Variants in CDCP1 observed in about 807,000 individuals in gnomAD.
The protein encoded by CDCP1 is CUB domain-containing protein 1.
In CDCP1, 29 loss-of-function variants were observed where a neutral mutation model predicts 60.2. The ratio of observed to expected loss-of-function variants is 0.48; its 90% CI spans 0.36 to 0.66. The LOEUF (loss-of-function observed/expected upper bound fraction) is 0.66. Among genes scored for constraint, CDCP1 ranks in the 30% least tolerant of loss-of-function variants. The pLI, the probability that CDCP1 is intolerant of heterozygous loss-of-function variation, is 0.00. For synonymous variants in CDCP1, 387 were observed against 431.1 expected, an observed-to-expected ratio of 0.90 and a Z score of 1.27; for missense variants, 876 against 1,074.3, an observed-to-expected ratio of 0.82 and a Z score of 2.58.
chr3:45,102,058 T>A (rs1415380862), intron 4 of CDCP1, among the ~76,000 whole-genome samples: 1 of 152,164 alleles, frequency 6.6e-6, no homozygotes, highest in African/African-American at 2.4e-5. Context: ...TTGCATTAGG[T>A]AATACTGTTT....
intron 2 of CDCP1, among the ~76,000 whole-genome samples, chr3:45,114,215 A>T (rs769729987): frequency 6.6e-6 from 1 of 152,142 alleles, no homozygotes; most frequent in Non-Finnish European, 1.5e-5. Context: ...TGATGCTAAG[A>T]GCTTTGTTTT....
intron 1 of CDCP1, among the ~76,000 whole-genome samples, chr3:45,120,160 C>G (rs957844947): frequency 6.6e-6 from 1 of 152,188 alleles, no homozygotes; most frequent in Admixed American, 6.5e-5. Flanking sequence ...CTAGCCTGCA[C>G]AAGACTGGAT....
rs1038612101 is a variant in CDCP1, at chr3:45,085,602, T to C, written c.*36A>G. 9.5e-6 allele frequency: 15 copies of C among 1,574,262 alleles called. No homozygotes were observed. The highest frequency in any genetic ancestry group is 1.2e-5 in the Non-Finnish European group (14 of 1,156,226). ...CGGACGGGTGTCTCAGTGCCCTGCT[T>C]TATGAAACTCAGCAAAGCGTCTGGA... On this transcript the variant is annotated 3_prime_UTR_variant, in exon 9 of 9. Transcript: ENST00000296129. This position sits in a 1 kb window ranked among gnomAD's most constrained non-coding sequence, Gnocchi z 4.2.
At position 45,084,309 on chromosome 3, in the gene CDCP1, T is replaced by G. The variant is rs1698150498; in HGVS notation, c.*1329A>C. Reference sequence around the variant, plus strand: ...CATTTTGTAGCCTCTCCTGTGGGAGTCAGTGGCAGGAAGGTGTGGTAGGCA... The same window carrying G: ...CATTTTGTAGCCTCTCCTGTGGGAGGCAGTGGCAGGAAGGTGTGGTAGGCA... On this transcript the variant is annotated 3_prime_UTR_variant, in exon 9 of 9. Coordinates refer to ENST00000296129, the MANE Select transcript of CDCP1 (RefSeq NM_022842.5). 1 of 151,898 alleles carries G rather than the reference T, an allele frequency of 6.6e-6. No individual in the cohort carries two copies. The highest frequency in any genetic ancestry group is 2.1e-4 in the South Asian group (1 of 4,802). The allele number at this position is 151,898 out of a possible 1,614,324, so 9.4% of individuals were successfully genotyped here. A position where few individuals can be genotyped will look rare whatever the true frequency, so the allele number is the denominator to read the frequency against.
chr3:45,136,841 G>A (rs1390994726), intron 1 of CDCP1, among the ~76,000 whole-genome samples: 5 of 152,166 alleles, frequency 3.3e-5, no homozygotes, highest in African/African-American at 1.2e-4. Context: ...CAAAACTACG[G>A]TGACAGAAGG....
At chr3:45,113,417 C>T (rs1335870226) in intron 2 of CDCP1, among the ~76,000 whole-genome samples, 4 of 152,044 alleles carry the variant, frequency 2.6e-5, no homozygotes, top group African/African-American at 9.7e-5. Flanking sequence ...AGTGAGGGGA[C>T]GAAACAGAAA....
Position 45,118,373 on chromosome 3 carries a change from TAA to T in CDCP1, c.292+37_292+38del, listed in dbSNP as rs777918990. The T allele has an allele frequency of 2.1e-6, 3 of 1,457,250 alleles. No individual in the cohort carries two copies. The East Asian group carries it at 6.8e-5, about 33-fold the overall frequency. 90.3% of individuals were successfully genotyped at this position (1,457,250 alleles called of 1,614,324 possible). A position where few individuals can be genotyped will look rare whatever the true frequency, so the allele number is the denominator to read the frequency against. ...ACAGTCAGGGAGGTGTAGAGACATT[TAA>T]AAGACATTGTCAAACAGCTCACAAG... On this transcript the variant is annotated intron_variant, in intron 2 of 8. Coordinates refer to ENST00000296129, the MANE Select transcript of CDCP1 (RefSeq NM_022842.5).
chr3:45,088,499 C>G (rs1244194114), intron 8 of CDCP1, among the ~76,000 whole-genome samples: 2 of 151,684 alleles, frequency 1.3e-5, no homozygotes, highest in Non-Finnish European at 2.9e-5. Flanking sequence ...ATAAATAAAA[C>G]AGAAGTTGTC....
rs559551198 is a variant in CDCP1, at chr3:45,111,478, C to G, written c.655+605G>C. Among the ~76,000 whole-genome samples the G allele has an allele frequency of 1.9e-4, 29 of 152,234 alleles. No homozygotes were observed. The South Asian group carries it at 6.0e-3, about 32-fold the overall frequency. On this transcript the variant is annotated intron_variant, in intron 3 of 8. Transcript: ENST00000296129. ...ATTACCTCAGGTCAGGAGTTCGAGACCAGCCTGGCCAACATGGTGAAACCC... is the reference window on the plus strand; with the variant it reads ...ATTACCTCAGGTCAGGAGTTCGAGAGCAGCCTGGCCAACATGGTGAAACCC...
At chr3:45,140,539 GT>G (rs1699271639) in intron 1 of CDCP1, among the ~76,000 whole-genome samples, 1 of 152,224 alleles carries the variant, frequency 6.6e-6, no homozygotes, top group South Asian at 2.1e-4. Context: ...ACCGAGCTGG[GT>G]TCTGGAGTCA....
At chr3:45,088,457 A>T (rs918317517) in intron 8 of CDCP1, among the ~76,000 whole-genome samples, 5 of 152,184 alleles carry the variant, frequency 3.3e-5, no homozygotes, top group African/African-American at 1.2e-4. Context: ...CTGGCAACAG[A>T]GCAAGACTCT....
chr3:45,102,061 T>A (rs1226787989), intron 4 of CDCP1, among the ~76,000 whole-genome samples: 1 of 152,108 alleles, frequency 6.6e-6, no homozygotes, highest in Non-Finnish European at 1.5e-5. Context: ...CATTAGGTAA[T>A]ACTGTTTTTA....
intron 1 of CDCP1, among the ~76,000 whole-genome samples, chr3:45,145,705 C>T (rs912364736): frequency 1.3e-5 from 2 of 152,150 alleles, no homozygotes; most frequent in Non-Finnish European, 2.9e-5. Context: ...GTGGGAAATG[C>T]GGACGTGAAA....
In CDCP1 at chr3:45,089,120, G is replaced by C; in HGVS notation, c.2015C>G (p.Ala672Gly). ...CAGTAAGACTCCACCTCCCACCGCT[G>C]CGATGAGGATGACAGTCAAGTCTGT... ...RTVDLTVILI[A>G]AVGGGVLLLS... Residue 672 changes from alanine to glycine, a missense_variant, in exon 8 of 9, where the codon GCA (alanine) becomes GGA (glycine). Ala to Gly is a moderately conservative substitution (Grantham distance 60). Coordinates refer to ENST00000296129, the MANE Select transcript of CDCP1 (RefSeq NM_022842.5). The C allele has an allele frequency of 6.2e-7, 1 of 1,614,086 alleles. No individual in the cohort carries two copies. The highest frequency in any genetic ancestry group is 2.2e-5 in the East Asian group (1 of 44,876).
chr3:45,121,389 C>T (rs1408865295), intron 1 of CDCP1, among the ~76,000 whole-genome samples: 1 of 152,196 alleles, frequency 6.6e-6, no homozygotes, highest in East Asian at 1.9e-4. Context: ...CTGTATATTA[C>T]AACTCTTGTG....
At chr3:45,125,175 C>T (rs1412660758) in intron 1 of CDCP1, among the ~76,000 whole-genome samples, 2 of 152,120 alleles carry the variant, frequency 1.3e-5, no homozygotes, top group African/African-American at 4.8e-5. Flanking sequence ...TGCAAAGATG[C>T]CAAGATATGA....
At chr3:45,115,715 T>A (rs376586416) in intron 2 of CDCP1, among the ~76,000 whole-genome samples, 139 of 152,078 alleles carry the variant, frequency 9.1e-4, no homozygotes, top group African/African-American at 2.7e-3. Flanking sequence ...TTTTTTTAAA[T>A]TTTTTTAAGA....
intron 1 of CDCP1, 54 bp from the exon 2 acceptor site, chr3:45,118,675 C>T: frequency 7.0e-7 from 1 of 1,437,988 alleles, no homozygotes; most frequent in Non-Finnish European, 9.8e-7. Context: ...CTGCAAACTG[C>T]TGTGGTCCCC....
chr3:45,138,170 C>A (rs62244469), intron 1 of CDCP1, among the ~76,000 whole-genome samples: 21,450 of 152,260 alleles, frequency 0.14, 1,699 homozygotes, highest in Middle Eastern at 0.27. Flanking sequence ...CCAGGAAATT[C>A]ATGTGTGTGC....
Sources: gnomAD v4.1 joint callset for allele counts (sites outside exome capture counted in the v4.1 genomes callset) on GRCh38, gnomAD v4.1.1 for gene constraint, Gnocchi (gnomAD v3.1) non-coding constraint, MANE v1.5 for transcripts, NCBI Gene and HGNC (gene_info 2026-07-23, HGNC 2026-07-21) for gene names.